Variants in DYNC1H1 observed in about 807,000 individuals in gnomAD.
DYNC1H1 encodes cytoplasmic dynein 1 heavy chain 1.
In DYNC1H1, 51 loss-of-function variants were observed where a neutral mutation model predicts 527.1. The ratio of observed to expected loss-of-function variants is 0.10; its 90% CI spans 0.08 to 0.12. The LOEUF (loss-of-function observed/expected upper bound fraction) is 0.12. DYNC1H1 is among the 10% of genes least tolerant of loss of function. The pLI, the probability that DYNC1H1 is intolerant of heterozygous loss-of-function variation, is 1.00. For synonymous variants in DYNC1H1, 2,189 were observed against 2,278.8 expected (o/e 0.96, Z 1.12); for missense variants, 2,771 against 5,971.8 (o/e 0.46, Z 17.66).
At chr14:102,022,974 ATCTTT>A in intron 43 of DYNC1H1, 94 bp downstream of exon 43, 1 of 1,583,622 alleles carries the variant, frequency 6.3e-7, no homozygotes, top group Admixed American at 1.7e-5. Flanking sequence ...ACTCAAAAAT[ATCTTT>A]AGGCTGGGTA....
At chr14:102,047,662 T>C (rs1423218177) in intron 72 of DYNC1H1, 155 bp from the exon 73 acceptor site, 2 of 599,800 alleles carry the variant, frequency 3.3e-6, no homozygotes, top group Admixed American at 2.2e-5. Flanking sequence ...TATATATATA[T>C]ATGTACACAC....
chr14:101,999,781 T>C (rs558838759), intron 16 of DYNC1H1, among the ~76,000 whole-genome samples: 16 of 152,364 alleles, frequency 1.1e-4, no homozygotes, highest in Middle Eastern at 3.4e-3. Flanking sequence ...TTCTATTTTA[T>C]TTATGTAAAA....
In DYNC1H1 at chr14:102,039,441, G is replaced by A; in HGVS notation, c.11490G>A (p.Gln3830=). 6.2e-7 allele frequency: 1 copy of A among 1,614,260 alleles called. No homozygotes were observed. The highest frequency in any genetic ancestry group is 8.5e-7 in the Non-Finnish European group (1 of 1,180,054). ...QIHFLYQYSL[Q]FFLDIYHNVL... The stretch of plus-strand genomic sequence containing the variant: ...ACTTCTTGTACCAGTACTCCCTCCA[G>A]TTTTTCCTGGACATTTATCACAACG... Residue 3830 remains glutamine (Q), a synonymous_variant, in exon 61 of 78, where the codon CAG becomes CAA. Coordinates refer to ENST00000360184, the MANE Select transcript of DYNC1H1 (RefSeq NM_001376.5). This position sits in a 1 kb window ranked among gnomAD's most constrained non-coding sequence, Gnocchi z 7.0.
rs199763298 is a variant in DYNC1H1, at chr14:101,988,697, C to T, written c.2719-6C>T. 2,214 of 1,613,982 alleles carry T rather than the reference C, an allele frequency of 1.4e-3. 4 individuals carry two copies. Among genetic ancestry groups the T allele is most frequent in the Non-Finnish European group, 1.8e-3 (2,079 of 1,180,040 alleles). The stretch of plus-strand genomic sequence containing the variant: ...ACACTGTTCTCTGATATAACGTTGT[C>T]TGTAGATTGAAAGAATATTGGGCGT... On this transcript the variant is annotated splice_region_variant and splice_polypyrimidine_tract_variant and intron_variant, in intron 9 of 77. Coordinates refer to ENST00000360184, the MANE Select transcript of DYNC1H1 (RefSeq NM_001376.5).
At chr14:101,967,844 G>A (rs1028226752) in intron 1 of DYNC1H1, among the ~76,000 whole-genome samples, 1 of 152,124 alleles carries the variant, frequency 6.6e-6, no homozygotes, top group African/African-American at 2.4e-5. Context: ...ATCAAGTACA[G>A]CATTACTCAA....
chr14:101,984,576 G>A (rs1422065506), intron 7 of DYNC1H1, among the ~76,000 whole-genome samples: 2 of 145,594 alleles, frequency 1.4e-5, no homozygotes, highest in East Asian at 2.2e-4. Flanking sequence ...CTCAGCCTCC[G>A]AGTAGCCGGA....
At position 102,022,430 on chromosome 14, in the gene DYNC1H1, C is replaced by T. The variant is rs558810158; in HGVS notation, c.8508-321C>T. Reference sequence around the variant, plus strand: ...CTGAGGCAGGAGAATGGTATGAACCCGGGAGGCGGAGCTTGCAGTGAGCCA... The same window carrying T: ...CTGAGGCAGGAGAATGGTATGAACCTGGGAGGCGGAGCTTGCAGTGAGCCA... On this transcript the variant is annotated intron_variant, in intron 42 of 77. Transcript: ENST00000360184. Among the ~76,000 whole-genome samples, 373 of 149,148 alleles carry T rather than the reference C, an allele frequency of 2.5e-3. 1 individual carries two copies. Among genetic ancestry groups the T allele is most frequent in the Middle Eastern group, 7.1e-3 (2 of 280 alleles).
In DYNC1H1 at chr14:102,010,498, T is replaced by C; in HGVS notation, c.6405+39T>C. 6.2e-7 allele frequency: 1 copy of C among 1,606,746 alleles called. No homozygotes were observed. On this transcript the variant is annotated intron_variant, in intron 31 of 77. Transcript: ENST00000360184. The surrounding 1 kb of genome is among the most constrained non-coding windows in gnomAD (Gnocchi z 6.0). ...GTTTTGATCACTCAAACCTTATACG[T>C]TATTTAAATTTACCTTTTTAACATT...
rs1377655136 is a variant in DYNC1H1, at chr14:102,033,864, G to A, written c.10414-112G>A. On this transcript the variant is annotated intron_variant, in intron 54 of 77. Coordinates refer to ENST00000360184, the MANE Select transcript of DYNC1H1 (RefSeq NM_001376.5). The surrounding 1 kb of genome is among the most constrained non-coding windows in gnomAD (Gnocchi z 5.6). ...CTGGGACTGTGAACAACTTGGGCAC[G>A]TTTCTAACCCACCCAAAACCCTGCA... The A allele has an allele frequency of 5.2e-5, 63 of 1,221,466 alleles. No individual in the cohort carries two copies. The highest frequency in any genetic ancestry group is 2.2e-4 in the East Asian group (9 of 40,852). The allele number at this position is 1,221,466 out of a possible 1,614,324, so 75.7% of individuals were successfully genotyped here.
intron 18 of DYNC1H1, 93 bp from the exon 19 acceptor site, chr14:102,000,861 C>A (rs949934135): frequency 6.7e-6 from 8 of 1,191,686 alleles, no homozygotes; most frequent in Non-Finnish European, 1.0e-5. Flanking sequence ...GCATGAGCCA[C>A]CGCGCCTGGC....
rs1455922093 is a variant in DYNC1H1, at chr14:102,039,308, C to T, written c.11460+54C>T. Reference sequence around the variant, plus strand: ...CGGGCCCCGCACAGTAGCTCCTTGGCCGCACAGAGGCTGGCGGGCCCTGCA... The same window carrying T: ...CGGGCCCCGCACAGTAGCTCCTTGGTCGCACAGAGGCTGGCGGGCCCTGCA... On this transcript the variant is annotated intron_variant, in intron 60 of 77. Transcript: ENST00000360184. The surrounding 1 kb of genome is among the most constrained non-coding windows in gnomAD (Gnocchi z 7.0). 3.7e-6 allele frequency: 6 copies of T among 1,611,320 alleles called. No individual in the cohort carries two copies. In the East Asian group the frequency reaches 1.3e-4, roughly 36 times the overall value.
At chr14:102,007,862 G>A (rs1160727898) in intron 28 of DYNC1H1, among the ~76,000 whole-genome samples, 2 of 152,180 alleles carry the variant, frequency 1.3e-5, no homozygotes, top group African/African-American at 2.4e-5. Context: ...AGGTGCCAGC[G>A]GGGTTCAGTT....
At position 101,983,499 on chromosome 14, in the gene DYNC1H1, C is replaced by T. The variant is rs2047891781; in HGVS notation, c.1351C>T (p.Arg451Cys). ...KREENLKMVWRINPAHRKLQA... is the reference protein window; with the variant it reads ...KREENLKMVWCINPAHRKLQA... ...GGAAGAAAATCTGAAGATGGTGTGG[C>T]GTATCAACCCTGCCCACAGGAAGCT... The change falls in exon 7 of 78, where the codon CGT (arginine) becomes TGT (cysteine). Residue 451 changes from arginine to cysteine, a missense_variant. This residue lies in a region of DYNC1H1 where 264 missense variants were observed against 619.4 expected (regional missense o/e 0.43). Coordinates refer to ENST00000360184, the MANE Select transcript of DYNC1H1 (RefSeq NM_001376.5). This position sits in a 1 kb window ranked among gnomAD's most constrained non-coding sequence, Gnocchi z 5.3. 6.2e-7 allele frequency: 1 copy of T among 1,614,124 alleles called. No individual in the cohort carries two copies. Among genetic ancestry groups the T allele is most frequent in the Non-Finnish European group, 8.5e-7 (1 of 1,180,042 alleles).
chr14:102,049,630 C>CT lies in DYNC1H1; in HGVS notation c.13515+49dup. 1 of 1,613,200 alleles carries CT rather than the reference C, an allele frequency of 6.2e-7. No individual in the cohort carries two copies. The highest frequency in any genetic ancestry group is 2.2e-5 in the East Asian group (1 of 44,870). On this transcript the variant is annotated intron_variant, in intron 75 of 77. Coordinates refer to ENST00000360184, the MANE Select transcript of DYNC1H1 (RefSeq NM_001376.5). This position sits in a 1 kb window ranked among gnomAD's most constrained non-coding sequence, Gnocchi z 5.5. ...TCGGGTGGTCAGCAGCTGTCCTGGG[C>CT]TGGGGTGGGAGTGGCTCTGGGGAAA...
At chr14:101,966,400 C>T (rs1322462230) in intron 1 of DYNC1H1, among the ~76,000 whole-genome samples, 3 of 146,946 alleles carry the variant, frequency 2.0e-5, no homozygotes, top group Non-Finnish European at 4.5e-5. Flanking sequence ...TAAGTGGAAG[C>T]CACAAAAGTT....
chr14:102,048,692 GGT>G (rs749125473), intron 74 of DYNC1H1, 23 bp downstream of exon 74: 1 of 1,611,280 alleles, frequency 6.2e-7, no homozygotes, highest in Non-Finnish European at 8.5e-7. Flanking sequence ...CCGAACTCGT[GGT>G]GTGGCTTCCG....
intron 23 of DYNC1H1, 149 bp downstream of exon 23, chr14:102,003,114 C>T: frequency 9.1e-7 from 1 of 1,093,122 alleles, no homozygotes; most frequent in Admixed American, 2.0e-5. Flanking sequence ...GATTACCATT[C>T]CCTTCCCTGT....
In DYNC1H1 at chr14:102,018,462, A is replaced by G; in HGVS notation, c.8189A>G (p.His2730Arg). Residue 2730 changes from histidine (H) to arginine (R), a missense_variant, in exon 41 of 78, where the codon CAC (histidine) becomes CGC (arginine). Around this residue, in one of 32 missense-constraint regions of DYNC1H1, gnomAD observed 163 missense variants for 346.9 expected, o/e 0.47. Transcript: ENST00000360184. The surrounding 1 kb of genome is among the most constrained non-coding windows in gnomAD (Gnocchi z 5.2). ...RKPLSHRFLRHVPVVYVDYPG... is the reference protein window; with the variant it reads ...RKPLSHRFLRRVPVVYVDYPG... Reference sequence around the variant, plus strand: ...CTATCTGTGCACAGGTTCCTGCGCCACGTGCCTGTCGTGTATGTGGATTAC... The same window carrying G: ...CTATCTGTGCACAGGTTCCTGCGCCGCGTGCCTGTCGTGTATGTGGATTAC... 6.2e-7 allele frequency: 1 copy of G among 1,613,670 alleles called. No homozygotes were observed. The highest frequency in any genetic ancestry group is 8.5e-7 in the Non-Finnish European group (1 of 1,179,996).
Position 102,030,196 on chromosome 14 carries a change from A to G in DYNC1H1, c.9797A>G (p.Lys3266Arg). The G allele has an allele frequency of 6.2e-7, 1 of 1,614,200 alleles. No homozygotes were observed. The highest frequency in any genetic ancestry group is 8.5e-7 in the Non-Finnish European group (1 of 1,180,024). ...MSQEIQEQLHKQQEVIADKQM... is the reference protein window; with the variant it reads ...MSQEIQEQLHRQQEVIADKQM... ...CAAGAAATCCAGGAACAGCTGCATA[A>G]GCAGCAGGAGGTAATTGCAGACAAA... The change falls in exon 51 of 78, where the codon AAG (lysine) becomes AGG (arginine). Residue 3266 changes from lysine (K) to arginine (R), a missense_variant. Physicochemically the swap from Lys to Arg is conservative, Grantham distance 26. Around this residue, in one of 32 missense-constraint regions of DYNC1H1, gnomAD observed 30 missense variants for 117.8 expected, o/e 0.25. Coordinates refer to ENST00000360184, the MANE Select transcript of DYNC1H1 (RefSeq NM_001376.5).
Sources: gnomAD v4.1 joint callset for allele counts (sites outside exome capture counted in the v4.1 genomes callset) on GRCh38, gnomAD v4.1.1 for gene constraint, gnomAD v4.1.1 regional missense constraint, Gnocchi (gnomAD v3.1) non-coding constraint, MANE v1.5 for transcripts, NCBI Gene and HGNC (gene_info 2026-07-23, HGNC 2026-07-21) for gene names.